CCN6: variants seen among roughly 807,000 people sequenced by gnomAD.
CCN6 encodes CCN family member 6.
CCN6 carries 31 observed loss-of-function variants against 37.4 expected under a neutral mutation model. That is an observed-to-expected ratio of 0.83 (90% CI 0.62 to 1.12). CCN6 has a LOEUF of 1.12. Among genes scored for constraint, CCN6 ranks in the 50% most tolerant of loss-of-function variants. The pLI, the probability that CCN6 is intolerant of heterozygous loss-of-function variation, is 0.00. For missense variants in CCN6, 369 were observed against 413.8 expected, an observed-to-expected ratio of 0.89 and a Z score of 0.94; for synonymous variants, 137 against 142.1, an observed-to-expected ratio of 0.96 and a Z score of 0.26.
upstream of CCN6, among the ~76,000 whole-genome samples, chr6:112,052,839 G>C (rs1776248750): frequency 6.6e-6 from 1 of 152,138 alleles, no homozygotes. Context: ...TCCTTAGTAA[G>C]CTCTGTGTGA....
intron 2 of CCN6, among the ~76,000 whole-genome samples, chr6:112,062,651 G>GT (rs1409462059): frequency 5.9e-5 from 9 of 152,212 alleles, no homozygotes; most frequent in African/African-American, 1.9e-4. Flanking sequence ...CCAACAGCCT[G>GT]TTTTTGTAAA....
intron 3 of CCN6, chr6:112,066,917 C>T: frequency 7.6e-7 from 1 of 1,316,380 alleles, no homozygotes; most frequent in East Asian, 4.7e-5. Context: ...GTCGGTTTAA[C>T]AAGTGGGATT....
At position 112,054,316 on chromosome 6, in the gene CCN6, C is replaced by T. The variant is rs1446710701; in HGVS notation, c.-42C>T. On this transcript the variant is annotated 5_prime_UTR_variant, in exon 1 of 5. An upstream open reading frame in the 5' UTR gains an earlier in-frame stop. Coordinates refer to ENST00000368666, the MANE Select transcript of CCN6 (RefSeq NM_198239.2). Reference sequence around the variant, plus strand: ...TGTACCCGGAGCAATGAACAAGCGGCGACTTCTCTACCCCTCAGGGTGGCT... The same window carrying T: ...TGTACCCGGAGCAATGAACAAGCGGTGACTTCTCTACCCCTCAGGGTGGCT... The T allele has an allele frequency of 3.1e-6, 5 of 1,613,910 alleles. No individual in the cohort carries two copies. The highest frequency in any genetic ancestry group is 4.2e-6 in the Non-Finnish European group (5 of 1,179,988).
At chr6:112,069,286 A>G in intron 4 of CCN6, 53 bp from the exon 5 acceptor site, 1 of 1,576,478 alleles carries the variant, frequency 6.3e-7, no homozygotes, top group Non-Finnish European at 8.6e-7. Context: ...ACATGTTTTC[A>G]AAACTATTGT....
upstream of CCN6, among the ~76,000 whole-genome samples, chr6:112,053,836 C>T (rs1445661172): frequency 7.1e-6 from 1 of 140,526 alleles, no homozygotes. Context: ...GGGGGAAAGC[C>T]AGGGCTAGGC....
upstream of CCN6, among the ~76,000 whole-genome samples, chr6:112,052,956 G>A (rs1285854676): frequency 2.6e-5 from 4 of 152,234 alleles, no homozygotes; most frequent in Admixed American, 6.5e-5. Flanking sequence ...AGCGAGGCTT[G>A]ATGTTGTCTT....
chr6:112,057,279 T>C (rs1351909756), intron 1 of CCN6, among the ~76,000 whole-genome samples: 1 of 152,188 alleles, frequency 6.6e-6, no homozygotes, highest in Non-Finnish European at 1.5e-5. Context: ...GTATGGACTA[T>C]GGGGAACCCC....
At chr6:112,060,662 AG>A (rs1444729296) in intron 1 of CCN6, among the ~76,000 whole-genome samples, 3 of 152,080 alleles carry the variant, frequency 2.0e-5, no homozygotes, top group African/African-American at 7.2e-5. Context: ...AGATATAGTG[AG>A]GGAAGATACT....
intron 3 of CCN6, among the ~76,000 whole-genome samples, chr6:112,065,579 C>CACAAACACGCACACACACACAA (rs1776656015): frequency 9.3e-6 from 1 of 107,040 alleles, no homozygotes; most frequent in Non-Finnish European, 2.1e-5. Context: ...CACACACAAA[C>CACAAACACGCACACACACACAA]ACACACACGC....
At chr6:112,057,231 G>C (rs1334163663) in intron 1 of CCN6, among the ~76,000 whole-genome samples, 4 of 152,210 alleles carry the variant, frequency 2.6e-5, no homozygotes, top group Non-Finnish European at 4.4e-5. Context: ...AGGCAGGAGA[G>C]GGCTTTGGAT....
intron 3 of CCN6, among the ~76,000 whole-genome samples, chr6:112,065,812 T>A (rs1347610486): frequency 1.3e-5 from 2 of 152,186 alleles, no homozygotes; most frequent in Non-Finnish European, 2.9e-5. Flanking sequence ...AAGTTAGCAT[T>A]TTATTTAAGC....
chr6:112,054,559 A>G (rs1776288481), intron 1 of CCN6, 154 bp downstream of exon 1: 5 of 724,476 alleles, frequency 6.9e-6, no homozygotes, highest in Non-Finnish European at 9.7e-6. Context: ...TTTTCTTTCC[A>G]AATAAAGTTC....
At position 112,061,058 on chromosome 6, in the gene CCN6, C is replaced by A; in HGVS notation, c.116C>A (p.Ser39Ter). The change falls in exon 2 of 5, where the codon TCA (serine) becomes TAA (stop). Residue 39 changes from serine (S) to a stop codon, truncating the protein, a stop_gained. Coordinates refer to ENST00000368666, the MANE Select transcript of CCN6 (RefSeq NM_198239.2). LOFTEE classifies it high-confidence loss of function. The stretch of plus-strand genomic sequence containing the variant: ...CCTGAAGGAAGGCCTGGAGAAGTGT[C>A]AGATGCACCTCAGCGTAAACAGTTT... ...TTPEGRPGEV[S>*]DAPQRKQFCH... is the part of the protein sequence containing the mutation. 6.2e-7 allele frequency: 1 copy of A among 1,614,140 alleles called. No homozygotes were observed. Among genetic ancestry groups the A allele is most frequent in the Non-Finnish European group, 8.5e-7 (1 of 1,180,018 alleles).
chr6:112,063,508 C>T (rs1387625963), intron 2 of CCN6, among the ~76,000 whole-genome samples: 16 of 152,142 alleles, frequency 1.1e-4, no homozygotes, highest in African/African-American at 3.6e-4. Flanking sequence ...TATTGATACA[C>T]TTAATTATGT....
chr6:112,052,942 C>T (rs1201389932), upstream of CCN6, among the ~76,000 whole-genome samples: 2 of 152,194 alleles, frequency 1.3e-5, no homozygotes, highest in African/African-American at 2.4e-5. Context: ...TCAGCTCAGG[C>T]CTAAGCGAGG....
rs1776274195 is a variant in CCN6 at position 112,054,104 on chromosome 6, ATT to A, written c.-253_-252del. ...AGTCCCGGGAGGAAAGTGCTCGCCC[ATT>A]CCTGACCTGTGACACGCTCACTGCG... On this transcript the variant is annotated 5_prime_UTR_variant, in exon 1 of 5. Coordinates refer to ENST00000368666, the MANE Select transcript of CCN6 (RefSeq NM_198239.2). 1.5e-6 allele frequency: 1 copy of A among 648,748 alleles called. No homozygotes were observed. The highest frequency in any genetic ancestry group is 1.8e-5 in the African/African-American group (1 of 55,846). The allele number at this position is 648,748 out of a possible 1,614,324, so 40.2% of individuals were successfully genotyped here.
In CCN6 at chr6:112,069,396, G is replaced by A; in HGVS notation, c.841G>A (p.Val281Ile). Residue 281 changes from valine (V) to isoleucine (I), a missense_variant, in exon 5 of 5, where the codon GTC (valine) becomes ATC (isoleucine). Val to Ile is a conservative substitution (Grantham distance 29, BLOSUM62 3). Coordinates refer to ENST00000368666, the MANE Select transcript of CCN6 (RefSeq NM_198239.2). ...TFQLSKAEKF[V>I]FSGCSSTQSY... ...CCAACTCTCCAAAGCTGAAAAATTT[G>A]TCTTTTCTGGATGCTCAAGTACTCA... 6.2e-7 allele frequency: 1 copy of A among 1,613,600 alleles called. No homozygotes were observed. Among genetic ancestry groups the A allele is most frequent in the Non-Finnish European group, 8.5e-7 (1 of 1,179,848 alleles).
At chr6:112,061,518 GTTC>G (rs200253462) in intron 2 of CCN6, 6,504 of 578,940 alleles carry the variant, frequency 0.011, 92 homozygotes, top group Non-Finnish European at 0.012. Flanking sequence ...TGATTTTGCA[GTTC>G]TTCTCAGGTA....
At position 112,069,623 on chromosome 6, in the gene CCN6, C is replaced by G; in HGVS notation, c.*3C>G. 6.2e-7 allele frequency: 1 copy of G among 1,613,398 alleles called. No homozygotes were observed. Among genetic ancestry groups the G allele is most frequent in the Non-Finnish European group, 8.5e-7 (1 of 1,179,720 alleles). ...TTTCTGAGCTCAAGATTCTGTAAAACCAAGCAAATGGGGGAAAAGTTAGTC... is the reference window on the plus strand; with the variant it reads ...TTTCTGAGCTCAAGATTCTGTAAAAGCAAGCAAATGGGGGAAAAGTTAGTC... On this transcript the variant is annotated 3_prime_UTR_variant, in exon 5 of 5. Coordinates refer to ENST00000368666, the MANE Select transcript of CCN6 (RefSeq NM_198239.2).
Sources: gnomAD v4.1 joint callset for allele counts (sites outside exome capture counted in the v4.1 genomes callset) on GRCh38, gnomAD v4.1.1 for gene constraint, MANE v1.5 for transcripts, NCBI Gene and HGNC (gene_info 2026-07-23, HGNC 2026-07-21) for gene names.